APP: variants seen among roughly 807,000 people sequenced by gnomAD.
The protein encoded by APP is amyloid beta precursor protein.
In APP, 31 loss-of-function variants were observed where a neutral mutation model predicts 101.4. The ratio of observed to expected loss-of-function variants is 0.31; its 90% CI spans 0.23 to 0.41. The LOEUF is 0.41. Ranked by LOEUF, APP falls within the 10% of genes least tolerant of loss-of-function variation. The probability of loss-of-function intolerance (pLI) is 1.00; values close to 1 mark genes in which losing one functional copy is unlikely to be tolerated. For missense variants in APP, 839 were observed against 1,003.7 expected (o/e 0.84, Z 2.22); for synonymous variants, 366 against 364.4 (o/e 1.00, Z -0.05).
intron 1 of APP, among the ~76,000 whole-genome samples, chr21:26,124,147 C>A (rs1389822295): frequency 6.6e-6 from 1 of 151,958 alleles, no homozygotes; most frequent in African/African-American, 2.4e-5. Flanking sequence ...AAAATAATAA[C>A]AGTAATAAAC....
intron 3 of APP, among the ~76,000 whole-genome samples, chr21:26,079,437 C>T (rs940895825): frequency 6.6e-6 from 1 of 152,150 alleles, no homozygotes; most frequent in Admixed American, 6.5e-5. Flanking sequence ...AATTACGCAG[C>T]TATAAAGCAA....
In APP at chr21:26,159,369, G is replaced by A. The variant is rs570897917; in HGVS notation, c.57+11195C>T. On this transcript the variant is annotated intron_variant, in intron 1 of 17. Coordinates refer to ENST00000346798, the MANE Select transcript of APP (RefSeq NM_000484.4). ...GCTGGGATTACAGGTGTAAGCCACC[G>A]CACCAGGCCATAAATTAGTAATTTT... Among the ~76,000 whole-genome samples the A allele has an allele frequency of 7.9e-5, 12 of 152,298 alleles. No individual in the cohort carries two copies. In the East Asian group the frequency reaches 2.1e-3, roughly 27 times the overall value.
chr21:26,160,214 T>G (rs780877538), intron 1 of APP, among the ~76,000 whole-genome samples: 28 of 152,206 alleles, frequency 1.8e-4, no homozygotes, highest in Non-Finnish European at 1.8e-4. Context: ...GATTCCAAAA[T>G]TGCAATTTTG....
intron 13 of APP, among the ~76,000 whole-genome samples, chr21:25,943,418 C>G (rs2146441730): frequency 6.9e-6 from 1 of 145,870 alleles, no homozygotes; most frequent in Admixed American, 7.0e-5. Flanking sequence ...TCCCAAAGTG[C>G]TGGGATTACA....
Position 25,985,591 on chromosome 21 carries a change from GTC to G in APP, c.1091-3116_1091-3115del, listed in dbSNP as rs2042607054. On this transcript the variant is annotated intron_variant, in intron 8 of 17. Coordinates refer to ENST00000346798, the MANE Select transcript of APP (RefSeq NM_000484.4). ...TAAATCATACCACCAGCTCTCCTGGGTCTCCAACTTGCAGACAACAGATTGTG... is the reference window on the plus strand; with the variant it reads ...TAAATCATACCACCAGCTCTCCTGGGTCCAACTTGCAGACAACAGATTGTG... 4.6e-5 allele frequency among the ~76,000 whole-genome samples: 7 copies of G among 152,204 alleles called. No homozygotes were observed. In the South Asian group the frequency reaches 1.5e-3, roughly 32 times the overall value.
chr21:26,158,432 A>G (rs1569044873), intron 1 of APP, among the ~76,000 whole-genome samples: 1 of 152,138 alleles, frequency 6.6e-6, no homozygotes, highest in Admixed American at 6.5e-5. Context: ...TTTACCCTTA[A>G]GAAGAGAGCC....
intron 3 of APP, among the ~76,000 whole-genome samples, chr21:26,083,462 C>CA (rs2061637880): frequency 6.6e-6 from 1 of 152,058 alleles, no homozygotes; most frequent in Non-Finnish European, 1.5e-5. Flanking sequence ...AAAACAAAAG[C>CA]AAAACATACA....
chr21:26,055,357 A>G (rs936234047), intron 3 of APP, among the ~76,000 whole-genome samples: 5 of 152,222 alleles, frequency 3.3e-5, no homozygotes, highest in African/African-American at 1.2e-4. Context: ...ATTATAAGGA[A>G]AGAAATAACA....
chr21:25,891,409 T>TG (rs966147153), intron 17 of APP, among the ~76,000 whole-genome samples: 2 of 151,742 alleles, frequency 1.3e-5, no homozygotes, highest in Non-Finnish European at 2.9e-5. Flanking sequence ...TGCTTGTGTT[T>TG]GAAAAAAAAA....
intron 2 of APP, among the ~76,000 whole-genome samples, chr21:26,105,058 G>A (rs140594717): frequency 0.013 from 1,449 of 113,180 alleles, 23 homozygotes; most frequent in African/African-American, 0.048. Flanking sequence ...TGGTTTCCAC[G>A]CATTTTTTTC....
intron 13 of APP, among the ~76,000 whole-genome samples, chr21:25,930,970 G>A: frequency 6.6e-6 from 1 of 152,206 alleles, no homozygotes; most frequent in Non-Finnish European, 1.5e-5. Context: ...AGTGAGAGAA[G>A]CTGAAAAGAG....
chr21:26,013,682 T>C (rs949916093), intron 6 of APP, among the ~76,000 whole-genome samples: 3 of 152,180 alleles, frequency 2.0e-5, no homozygotes, highest in South Asian at 2.1e-4. Context: ...GTTCTCACTA[T>C]GTTGCCCAGG....
chr21:26,166,690 C>T (rs1037760822), intron 1 of APP, among the ~76,000 whole-genome samples: 1 of 152,102 alleles, frequency 6.6e-6, no homozygotes, highest in Non-Finnish European at 1.5e-5. Flanking sequence ...AAAACACAAA[C>T]AGAAAATGTG....
chr21:25,909,266 CAAAA>C (rs35504500), intron 14 of APP, among the ~76,000 whole-genome samples: 20 of 76,196 alleles, frequency 2.6e-4, no homozygotes, highest in Admixed American at 2.3e-3. Flanking sequence ...GACTCCGTCT[CAAAA>C]AAAAAAAAAA....
intron 13 of APP, among the ~76,000 whole-genome samples, chr21:25,914,381 TGA>T (rs952259285): frequency 4.6e-5 from 7 of 151,780 alleles, no homozygotes; most frequent in South Asian, 4.2e-4. Context: ...GTGGTAGTAG[TGA>T]GAGATGGGGT....
intron 9 of APP, among the ~76,000 whole-genome samples, chr21:25,977,414 A>G (rs2042263184): frequency 6.6e-6 from 1 of 152,228 alleles, no homozygotes; most frequent in Admixed American, 6.5e-5. Flanking sequence ...AAACTTGATT[A>G]CTGTATTATA....
intron 2 of APP, among the ~76,000 whole-genome samples, chr21:26,111,434 T>C (rs765104381): frequency 2.6e-4 from 39 of 152,136 alleles, no homozygotes; most frequent in Admixed American, 1.3e-4. Flanking sequence ...AGATATATAC[T>C]GAAGATGAAA....
intron 13 of APP, among the ~76,000 whole-genome samples, chr21:25,936,017 C>T (rs534756277): frequency 4.6e-5 from 7 of 152,176 alleles, no homozygotes; most frequent in East Asian, 1.9e-4. Context: ...CATGCCTCCC[C>T]TGACTAGCTT....
intron 17 of APP, among the ~76,000 whole-genome samples, chr21:25,890,745 G>T (rs976057831): frequency 1.5e-5 from 2 of 130,692 alleles, no homozygotes; most frequent in Non-Finnish European, 3.3e-5. Context: ...AAAAAGCAAT[G>T]GGGAATATGA....
Sources: gnomAD v4.1 joint callset for allele counts (sites outside exome capture counted in the v4.1 genomes callset) on GRCh38, gnomAD v4.1.1 for gene constraint, MANE v1.5 for transcripts, NCBI Gene and HGNC (gene_info 2026-07-23, HGNC 2026-07-21) for gene names.